The following RCAN3 variants were observed in gnomAD, a reference collection of about 807,000 sequenced individuals.
The protein encoded by RCAN3 is calcipressin-3.
In RCAN3, 19 loss-of-function variants were observed where a neutral mutation model predicts 21.9. The ratio of observed to expected loss-of-function variants is 0.87; its 90% CI spans 0.61 to 1.27. RCAN3 has a LOEUF of 1.27. RCAN3 is among the 50% of genes most tolerant of loss of function. The pLI is 0.00. For synonymous variants in RCAN3, 114 were observed against 112.3 expected (o/e 1.01, Z -0.09); for missense variants, 240 against 300.1 (o/e 0.80, Z 1.48).
chr1:24,523,635 C>G (rs911408668), intron 2 of RCAN3, among the ~76,000 whole-genome samples: 3 of 139,708 alleles, frequency 2.1e-5, no homozygotes, highest in African/African-American at 8.3e-5. Flanking sequence ...CACACACACA[C>G]ACACACATAT....
In RCAN3 at chr1:24,525,941, A is replaced by G. The variant is rs1327265940; in HGVS notation, c.196-5277A>G. Among the ~76,000 whole-genome samples, 1 of 152,134 alleles carries G rather than the reference A, an allele frequency of 6.6e-6. No individual in the cohort carries two copies. Among genetic ancestry groups the G allele is most frequent in the African/African-American group, 2.4e-5 (1 of 41,420 alleles). On this transcript the variant is annotated intron_variant, in intron 2 of 4. Transcript: ENST00000374395. The surrounding 1 kb of genome is among the most constrained non-coding windows in gnomAD (Gnocchi z 4.1). ...GGTTTTGCCTCCAAGTTAATTCTTC[A>G]TGCTTCCAAAGCACCTCACAGCTAG...
Position 24,534,629 on chromosome 1 carries a change from A to G in RCAN3, c.542-464A>G, listed in dbSNP as rs1329671452. On this transcript the variant is annotated intron_variant, in intron 4 of 4. Transcript: ENST00000374395. ...CTCAAAAAAAAGAAAAAAAAAAACCATCTCGACTGAAAATACAAAAATTAG... is the reference window on the plus strand; with the variant it reads ...CTCAAAAAAAAGAAAAAAAAAAACCGTCTCGACTGAAAATACAAAAATTAG... 2.7e-5 allele frequency among the ~76,000 whole-genome samples: 4 copies of G among 148,386 alleles called. No homozygotes were observed. The East Asian group carries it at 7.8e-4, about 29-fold the overall frequency.
At chr1:24,510,547 C>G (rs1647790197) in intron 1 of RCAN3, among the ~76,000 whole-genome samples, 1 of 152,234 alleles carries the variant, frequency 6.6e-6, no homozygotes, top group Admixed American at 6.5e-5. Flanking sequence ...CCTCAGCTCT[C>G]TCATCCTTCA....
rs1021445871 is a variant in RCAN3, at chr1:24,540,710, C to T, written c.*5433C>T. On this transcript the variant is annotated 3_prime_UTR_variant, in exon 5 of 5. Coordinates refer to ENST00000374395, the MANE Select transcript of RCAN3 (RefSeq NM_013441.4). ...CAAGAGTCAAAGTTATTATTTTCTC[C>T]GAACGTGTTTGTGATCTTCTGTTAT... The T allele has an allele frequency of 7.2e-5, 11 of 152,130 alleles. No individual in the cohort carries two copies. The highest frequency in any genetic ancestry group is 8.8e-5 in the Non-Finnish European group (6 of 68,018). 9.4% of individuals were successfully genotyped at this position (152,130 alleles called of 1,614,324 possible). A position where few individuals can be genotyped will look rare whatever the true frequency, so the allele number is the denominator to read the frequency against.
At chr1:24,505,330 C>G (rs1252894274) in intron 1 of RCAN3, among the ~76,000 whole-genome samples, 4 of 146,706 alleles carry the variant, frequency 2.7e-5, no homozygotes, top group Admixed American at 2.1e-4. Flanking sequence ...GCCTTGGCCT[C>G]CCAGGCTCAA....
intron 1 of RCAN3, among the ~76,000 whole-genome samples, chr1:24,511,212 C>A (rs1647855485): frequency 6.6e-6 from 1 of 152,084 alleles, no homozygotes; most frequent in Admixed American, 6.6e-5. Flanking sequence ...ACTCGGGAGG[C>A]TGAGGCAGGA....
At chr1:24,529,859 T>TA (rs570901400) in intron 2 of RCAN3, among the ~76,000 whole-genome samples, 156 of 151,532 alleles carry the variant, frequency 1.0e-3, no homozygotes, top group African/African-American at 3.6e-3. Context: ...CCTTCTATTT[T>TA]AAAAAATAAA....
intron 2 of RCAN3, among the ~76,000 whole-genome samples, chr1:24,529,143 C>T (rs916047714): frequency 2.0e-5 from 3 of 152,144 alleles, no homozygotes; most frequent in Admixed American, 6.6e-5. Context: ...CGCAGTTGCT[C>T]ACGTCTTTAA....
chr1:24,533,384 C>T lies in RCAN3; in HGVS notation c.541+130C>T, dbSNP rs1649957997. On this transcript the variant is annotated intron_variant, in intron 4 of 4. Transcript: ENST00000374395. ...AGTCAAACACACCTGGGTTCAGATT[C>T]CAGCTGTGGCATCTGCTTGCTCTGT... The T allele has an allele frequency of 7.7e-6, 5 of 649,640 alleles. No homozygotes were observed. The South Asian group carries it at 1.6e-4, about 20-fold the overall frequency. The allele number at this position is 649,640 out of a possible 1,614,324, so 40.2% of individuals were successfully genotyped here. A position where few individuals can be genotyped will look rare whatever the true frequency, so the allele number is the denominator to read the frequency against.
At chr1:24,510,932 C>A (rs1435622407) in intron 1 of RCAN3, among the ~76,000 whole-genome samples, 1 of 152,156 alleles carries the variant, frequency 6.6e-6, no homozygotes, top group Non-Finnish European at 1.5e-5. Flanking sequence ...ATTGTCGTGT[C>A]TCAGAGAGTA....
chr1:24,509,275 C>A (rs894308195), intron 1 of RCAN3, among the ~76,000 whole-genome samples: 1 of 152,166 alleles, frequency 6.6e-6, no homozygotes, highest in Non-Finnish European at 1.5e-5. Flanking sequence ...TTTGGGGTGA[C>A]TGTGGCAATT....
Position 24,532,948 on chromosome 1 carries a change from C to CAAA in RCAN3, c.370-110_370-108dup, listed in dbSNP as rs756973308. The CAAA allele has an allele frequency of 3.3e-3, 304 of 93,098 alleles. 15 individuals are homozygous for CAAA. The highest frequency in any genetic ancestry group is 0.02 in the African/African-American group (115 of 5,822). The allele number at this position is 93,098 out of a possible 1,614,324, so 5.8% of individuals were successfully genotyped here. ...TGGGCGACAAAGTGAGACTCCGTCT[C>CAAA]AAAAAAAAAAAAAAAAAAAAAAAAA... On this transcript the variant is annotated intron_variant, in intron 3 of 4. Coordinates refer to ENST00000374395, the MANE Select transcript of RCAN3 (RefSeq NM_013441.4).
chr1:24,518,329 A>G (rs1325672632), intron 2 of RCAN3, among the ~76,000 whole-genome samples: 1 of 152,218 alleles, frequency 6.6e-6, no homozygotes, highest in Non-Finnish European at 1.5e-5. Flanking sequence ...CTATGTTTTT[A>G]TCAATATTTC....
chr1:24,520,412 CAAAT>C (rs1009233069), intron 2 of RCAN3, among the ~76,000 whole-genome samples: 9 of 151,834 alleles, frequency 5.9e-5, no homozygotes, highest in African/African-American at 2.2e-4. Context: ...AAAGAAGGCA[CAAAT>C]AAAGGGGAAG....
intron 1 of RCAN3, among the ~76,000 whole-genome samples, chr1:24,508,449 T>G (rs1447598771): frequency 2.0e-5 from 3 of 152,108 alleles, no homozygotes. Flanking sequence ...CTCTGGTGAT[T>G]AGGCAGCTAA....
Position 24,535,242 on chromosome 1 carries a change from T to C in RCAN3, c.691T>C (p.Leu231=), listed in dbSNP as rs775332210. 1.3e-6 allele frequency: 2 copies of C among 1,578,392 alleles called. No homozygotes were observed. Among genetic ancestry groups the C allele is most frequent in the Admixed American group, 2.0e-5 (1 of 50,068 alleles). ...GCGCCCCGACCCTCCGACCGCAGCG[T>C]TGAATGAGCCCCAGACCTTTGATTG... is the stretch of plus-strand genomic sequence containing the variant. ...TRRPDPPTAA[L]NEPQTFDCAL The change falls in exon 5 of 5, where the codon TTG becomes CTG. Residue 231 remains leucine, a synonymous_variant. Transcript: ENST00000374395.
intron 2 of RCAN3, among the ~76,000 whole-genome samples, chr1:24,523,603 TACACACACACACAC>T (rs71577716): frequency 1.5e-4 from 21 of 140,846 alleles, no homozygotes; most frequent in South Asian, 4.5e-4. Context: ...TTATTTCTAA[TACACACACACACAC>T]ACACACACAC....
At chr1:24,505,585 A>T (rs969258402) in intron 1 of RCAN3, among the ~76,000 whole-genome samples, 3 of 152,182 alleles carry the variant, frequency 2.0e-5, no homozygotes, top group Non-Finnish European at 4.4e-5. Context: ...AAAGGAACTT[A>T]GTAGCCCAAA....
chr1:24,512,764 C>G (rs1317019072), intron 1 of RCAN3, among the ~76,000 whole-genome samples: 1 of 152,116 alleles, frequency 6.6e-6, no homozygotes, highest in African/African-American at 2.4e-5. Context: ...TAAATTCTGC[C>G]TCCGCATCTT....
Sources: allele counts gnomAD v4.1 joint callset (sites outside exome capture counted in the v4.1 genomes callset), GRCh38; gene constraint gnomAD v4.1.1; non-coding constraint Gnocchi (gnomAD v3.1); transcripts MANE v1.5; gene names NCBI Gene and HGNC (gene_info 2026-07-23, HGNC 2026-07-21).